Variants in FBXO34 observed in about 807,000 individuals in gnomAD.
FBXO34 encodes F-box protein 34, also known as F-box only protein 34.
FBXO34 carries 12 observed loss-of-function variants against 24.5 expected under a neutral mutation model. The ratio of observed to expected loss-of-function variants is 0.49; its 90% CI spans 0.31 to 0.79. The LOEUF (loss-of-function observed/expected upper bound fraction) is 0.79. Among genes scored for constraint, FBXO34 ranks in the 30% least tolerant of loss-of-function variants. The pLI is 0.04. For missense variants in FBXO34, 823 were observed against 857.7 expected (o/e 0.96, Z 0.51); for synonymous variants, 320 against 311.9 (o/e 1.03, Z -0.27).
At chr14:55,412,487 C>T in the FBXO34 span, among the ~76,000 whole-genome samples, 1 of 152,188 alleles carries the variant, frequency 6.6e-6, no homozygotes, top group Non-Finnish European at 1.5e-5. Flanking sequence ...CGTACCTTCC[C>T]TACCCTGGGC....
At chr14:55,409,830 A>G in the FBXO34 span, among the ~76,000 whole-genome samples, 1 of 152,222 alleles carries the variant, frequency 6.6e-6, no homozygotes, top group Non-Finnish European at 1.5e-5. Flanking sequence ...ACAGAAATGG[A>G]GGAGTAGCAT....
chr14:55,412,170 T>A, the FBXO34 span, among the ~76,000 whole-genome samples: 2 of 152,208 alleles, frequency 1.3e-5, no homozygotes, highest in African/African-American at 4.8e-5. Flanking sequence ...TAAGGGAATT[T>A]AACTTGCTGT....
intron 1 of FBXO34, among the ~76,000 whole-genome samples, chr14:55,283,944 ATGTGTG>A (rs71131258): frequency 6.6e-4 from 94 of 142,690 alleles, no homozygotes; most frequent in South Asian, 2.9e-3. Context: ...TTCTAAGACT[ATGTGTG>A]TGTGTGTGTG....
intron 1 of FBXO34, among the ~76,000 whole-genome samples, chr14:55,325,566 C>T (rs1350969583): frequency 6.6e-6 from 1 of 152,144 alleles, no homozygotes; most frequent in Non-Finnish European, 1.5e-5. Context: ...ACCTCCGCCT[C>T]CTGGGTTCAA....
At position 55,319,973 on chromosome 14, in the gene FBXO34, A is replaced by G. The variant is rs576947108; in HGVS notation, c.-10-30408A>G. 3.3e-5 allele frequency among the ~76,000 whole-genome samples: 5 copies of G among 152,216 alleles called. No individual in the cohort carries two copies. The South Asian group carries it at 6.2e-4, about 19-fold the overall frequency. On this transcript the variant is annotated intron_variant, in intron 1 of 1. Coordinates refer to ENST00000313833, the MANE Select transcript of FBXO34 (RefSeq NM_017943.4). Reference sequence around the variant, plus strand: ...AGGCATGAGCCACCACACCTGGCCAATTTTTCCTGAACTTTCATAGGAAAC... The same window carrying G: ...AGGCATGAGCCACCACACCTGGCCAGTTTTTCCTGAACTTTCATAGGAAAC...
chr14:55,434,142 T>G, the FBXO34 span, among the ~76,000 whole-genome samples: 1 of 152,146 alleles, frequency 6.6e-6, no homozygotes, highest in African/African-American at 2.4e-5. Flanking sequence ...AAGAATCTTT[T>G]GGGAAAAAAA....
At chr14:55,282,474 G>A (rs1881586614) in intron 1 of FBXO34, 1 of 234,654 alleles carries the variant, frequency 4.3e-6, no homozygotes, top group Non-Finnish European at 9.0e-6. Flanking sequence ...TAAATCTCAC[G>A]GCACAAACCC....
chr14:55,332,767 G>A (rs1475785049), intron 1 of FBXO34, among the ~76,000 whole-genome samples: 1 of 152,084 alleles, frequency 6.6e-6, no homozygotes, highest in African/African-American at 2.4e-5. Context: ...CTGTAGCTAC[G>A]GTGATCTTCA....
intron 1 of FBXO34, among the ~76,000 whole-genome samples, chr14:55,323,023 A>AC (rs1384609998): frequency 4.7e-5 from 6 of 127,942 alleles, no homozygotes; most frequent in East Asian, 2.2e-4. Flanking sequence ...AATACAAAAA[A>AC]AAAAAAAAAA....
chr14:55,340,269 A>C (rs988070326), intron 1 of FBXO34, among the ~76,000 whole-genome samples: 1 of 152,090 alleles, frequency 6.6e-6, no homozygotes, highest in East Asian at 1.9e-4. Flanking sequence ...TTTTGAGACC[A>C]GGTCTCTCTG....
chr14:55,439,503 C>CGG, the FBXO34 span, among the ~76,000 whole-genome samples: 2 of 150,064 alleles, frequency 1.3e-5, no homozygotes, highest in African/African-American at 4.9e-5. Flanking sequence ...TAGAACCAGG[C>CGG]GGGGGGCCAG....
chr14:55,283,364 A>G (rs187881255), intron 1 of FBXO34, among the ~76,000 whole-genome samples: 45 of 152,288 alleles, frequency 3.0e-4, no homozygotes, highest in East Asian at 1.9e-4. Context: ...TAGTATGTTA[A>G]GTGTATTAGT....
chr14:55,323,225 A>AT (rs1194283087), intron 1 of FBXO34, among the ~76,000 whole-genome samples: 204 of 19,140 alleles, frequency 0.011, 8 homozygotes, highest in Middle Eastern at 0.056. Flanking sequence ...AAAAATATAT[A>AT]TTTTTTTTTT....
intron 1 of FBXO34, among the ~76,000 whole-genome samples, chr14:55,333,318 C>T (rs1186767182): frequency 6.6e-6 from 1 of 152,168 alleles, no homozygotes; most frequent in Non-Finnish European, 1.5e-5. Context: ...TACTTCGACC[C>T]TCTTGGTTTT....
intron 1 of FBXO34, among the ~76,000 whole-genome samples, chr14:55,298,315 C>G (rs1439756112): frequency 6.6e-6 from 1 of 151,974 alleles, no homozygotes; most frequent in African/African-American, 2.4e-5. Context: ...AGATTGGACA[C>G]CCCTGGTGTA....
chr14:55,373,818 A>G (rs866811545), downstream of FBXO34, among the ~76,000 whole-genome samples: 3 of 152,012 alleles, frequency 2.0e-5, no homozygotes, highest in Non-Finnish European at 4.4e-5. Flanking sequence ...AAAAAAAAAA[A>G]AAGTTTATCT....
intron 1 of FBXO34, among the ~76,000 whole-genome samples, chr14:55,346,991 A>G (rs2140082129): frequency 6.6e-6 from 1 of 152,246 alleles, no homozygotes; most frequent in South Asian, 2.1e-4. Flanking sequence ...GTCCCTTCCA[A>G]TTTCAACCTA....
the FBXO34 span, chr14:55,433,871 A>G: frequency 1.7e-6 from 1 of 588,656 alleles, no homozygotes; most frequent in African/African-American, 1.8e-5. Context: ...GGTTAACAAA[A>G]ATAATGATGA....
In FBXO34 at chr14:55,348,234, G is replaced by C. The variant is rs11849962; in HGVS notation, c.-10-2147G>C. On this transcript the variant is annotated intron_variant, in intron 1 of 1. Transcript: ENST00000313833. Reference sequence around the variant, plus strand: ...GTTTGTTTGGTTGGGTTTTTTTGTTGTTGTTGTTTTTGGAGACAGGGTCTT... The same window carrying C: ...GTTTGTTTGGTTGGGTTTTTTTGTTCTTGTTGTTTTTGGAGACAGGGTCTT... 7.0e-3 allele frequency among the ~76,000 whole-genome samples: 1,069 copies of C among 152,096 alleles called. 11 individuals carry two copies. The highest frequency in any genetic ancestry group is 0.024 in the African/African-American group (1,002 of 41,486).
Sources: allele counts gnomAD v4.1 joint callset (sites outside exome capture counted in the v4.1 genomes callset), GRCh38; gene constraint gnomAD v4.1.1; transcripts MANE v1.5; gene names NCBI Gene and HGNC (gene_info 2026-07-23, HGNC 2026-07-21).